The following EML4 variants were observed in gnomAD, a reference collection of about 807,000 sequenced individuals.
EML4 encodes echinoderm microtubule-associated protein-like 4.
EML4 carries 72 observed loss-of-function variants against 129.0 expected under a neutral mutation model. That is an observed-to-expected ratio of 0.56 (90% CI 0.46 to 0.68). The LOEUF (loss-of-function observed/expected upper bound fraction) is 0.68, where lower values mean the gene tolerates loss of function less well. Ranked by LOEUF, EML4 falls within the 30% of genes least tolerant of loss-of-function variation. The probability of loss-of-function intolerance (pLI) is 0.00; values close to 1 mark genes in which losing one functional copy is unlikely to be tolerated. For synonymous variants in EML4, 532 were observed against 405.0 expected, an observed-to-expected ratio of 1.31 and a Z score of -3.77; for missense variants, 1,363 against 1,190.6, an observed-to-expected ratio of 1.14 and a Z score of -2.13.
chr2:42,256,742 G>A (rs1676179610), intron 3 of EML4, 112 bp downstream of exon 3: 2 of 1,324,678 alleles, frequency 1.5e-6, no homozygotes. Context: ...AAGTGAGCAT[G>A]TCCTTTGAAT....
intron 1 of EML4, among the ~76,000 whole-genome samples, chr2:42,209,977 T>A (rs1458179831): frequency 1.3e-5 from 2 of 151,940 alleles, no homozygotes; most frequent in Non-Finnish European, 2.9e-5. Flanking sequence ...CCAATAGACT[T>A]CATTTAGAAC....
chr2:42,276,023 A>C (rs1288116044), intron 6 of EML4, among the ~76,000 whole-genome samples: 3 of 152,188 alleles, frequency 2.0e-5, no homozygotes, highest in South Asian at 4.2e-4. Context: ...AAGTTTTATG[A>C]TTGTAAGATC....
chr2:42,220,236 ATTTTTTT>A (rs56896362), intron 1 of EML4, among the ~76,000 whole-genome samples: 62 of 140,132 alleles, frequency 4.4e-4, no homozygotes, highest in Admixed American at 6.5e-4. Context: ...CAGATACTGT[ATTTTTTT>A]TTTTTTTTTT....
chr2:42,301,129 A>C (rs1371208856), intron 13 of EML4, 112 bp from the exon 14 acceptor site: 2 of 880,056 alleles, frequency 2.3e-6, no homozygotes, highest in Non-Finnish European at 3.5e-6. Flanking sequence ...TGATTGAGTC[A>C]TATGAACTTT....
intron 1 of EML4, among the ~76,000 whole-genome samples, chr2:42,215,966 G>A (rs915361202): frequency 1.1e-4 from 17 of 151,656 alleles, no homozygotes; most frequent in Non-Finnish European, 1.6e-4. Flanking sequence ...TGTCACCCAG[G>A]GTAGAGTGCA....
chr2:42,232,220 A>G (rs1206481143), intron 1 of EML4, among the ~76,000 whole-genome samples: 2 of 152,176 alleles, frequency 1.3e-5, no homozygotes, highest in Admixed American at 6.5e-5. Flanking sequence ...TACATAATAT[A>G]CAAATTAGTA....
intron 6 of EML4, among the ~76,000 whole-genome samples, chr2:42,272,724 T>G (rs1314212887): frequency 3.3e-5 from 5 of 152,214 alleles, no homozygotes; most frequent in Non-Finnish European, 7.3e-5. Context: ...ACACGTAATT[T>G]GAATGAAAAG....
intron 17 of EML4, 24 bp downstream of exon 17, chr2:42,304,575 T>A: frequency 6.4e-7 from 1 of 1,558,714 alleles, no homozygotes; most frequent in Non-Finnish European, 8.9e-7. Context: ...GTGAACTGAG[T>A]AATCTGAAGT....
At chr2:42,217,974 G>A in intron 1 of EML4, among the ~76,000 whole-genome samples, 1 of 152,156 alleles carries the variant, frequency 6.6e-6, no homozygotes, top group Non-Finnish European at 1.5e-5. Flanking sequence ...GATATGGGGT[G>A]ATCCTAGAAG....
intron 1 of EML4, among the ~76,000 whole-genome samples, chr2:42,232,270 T>C (rs1306350303): frequency 6.6e-6 from 1 of 152,192 alleles, no homozygotes; most frequent in Non-Finnish European, 1.5e-5. Context: ...AAAAAAGCCC[T>C]ATATACTTTG....
intron 17 of EML4, among the ~76,000 whole-genome samples, chr2:42,314,600 A>T (rs112900790): frequency 6.6e-6 from 1 of 152,174 alleles, no homozygotes; most frequent in African/African-American, 2.4e-5. Context: ...CTGCACTACT[A>T]TTAAATACCT....
At chr2:42,306,484 C>CTTGTTTTTTTT (rs1668599208) in intron 17 of EML4, among the ~76,000 whole-genome samples, 2 of 74,604 alleles carry the variant, frequency 2.7e-5, no homozygotes, top group East Asian at 5.6e-4. Flanking sequence ...GTGCTAAATC[C>CTTGTTTTTTTT]TTTTTTTTTT....
chr2:42,211,695 G>A (rs552632366), intron 1 of EML4, among the ~76,000 whole-genome samples: 2 of 151,786 alleles, frequency 1.3e-5, no homozygotes, highest in South Asian at 2.1e-4. Flanking sequence ...TTTAAGTTGG[G>A]TAACTTTGTT....
At chr2:42,189,846 G>C (rs1346381364) in intron 1 of EML4, among the ~76,000 whole-genome samples, 4 of 151,958 alleles carry the variant, frequency 2.6e-5, no homozygotes, top group Non-Finnish European at 5.9e-5. Context: ...AGTGTTTTAT[G>C]AATAATTCAA....
intron 1 of EML4, among the ~76,000 whole-genome samples, chr2:42,194,311 C>G (rs1671772874): frequency 6.8e-6 from 1 of 146,806 alleles, no homozygotes; most frequent in South Asian, 2.1e-4. Flanking sequence ...GTCCTGAATC[C>G]TAATCCAGAT....
chr2:42,293,207 C>A (rs1475962102), intron 11 of EML4, among the ~76,000 whole-genome samples: 1 of 151,870 alleles, frequency 6.6e-6, no homozygotes, highest in Non-Finnish European at 1.5e-5. Context: ...CTCCTGGGCT[C>A]AAATGAATCC....
At chr2:42,265,816 G>T (rs941239322) in intron 6 of EML4, among the ~76,000 whole-genome samples, 3 of 152,252 alleles carry the variant, frequency 2.0e-5, no homozygotes, top group South Asian at 2.1e-4. Flanking sequence ...TATATTGATT[G>T]TAACTTCTGG....
At chr2:42,328,031 C>A (rs911552249) in intron 21 of EML4, among the ~76,000 whole-genome samples, 3 of 152,184 alleles carry the variant, frequency 2.0e-5, no homozygotes, top group Admixed American at 2.0e-4. Flanking sequence ...TGTCCATAAA[C>A]AATTTCATTA....
chr2:42,265,097 AC>A, intron 6 of EML4: 1 of 801,422 alleles, frequency 1.2e-6, no homozygotes, highest in Non-Finnish European at 2.0e-6. Flanking sequence ...GCTACATTTT[AC>A]TTTTTTTTTT....
Sources: gnomAD v4.1 joint callset for allele counts (sites outside exome capture counted in the v4.1 genomes callset) on GRCh38, gnomAD v4.1.1 for gene constraint, MANE v1.5 for transcripts, NCBI Gene and HGNC (gene_info 2026-07-23, HGNC 2026-07-21) for gene names.